Variants in VRK1 observed in about 807,000 individuals in gnomAD.
The protein encoded by VRK1 is VRK serine/threonine kinase 1, also known as serine/threonine-protein kinase VRK1.
A neutral mutation model predicts 57.1 loss-of-function variants in VRK1; 33 were observed. That is an observed-to-expected ratio of 0.58 (90% confidence interval 0.44 to 0.77). The LOEUF (loss-of-function observed/expected upper bound fraction) is 0.77, where lower values mean the gene tolerates loss of function less well. Among genes scored for constraint, VRK1 ranks in the 30% least tolerant of loss-of-function variants. The pLI is 0.00. For missense variants in VRK1, 413 were observed against 477.3 expected (o/e 0.87, Z 1.25); for synonymous variants, 137 against 147.8 (o/e 0.93, Z 0.53).
At chr14:96,876,171 A>G (rs768975412) in intron 12 of VRK1, 51 bp downstream of exon 12, 2 of 1,563,510 alleles carry the variant, frequency 1.3e-6, no homozygotes, top group Non-Finnish European at 8.8e-7. Flanking sequence ...CACAAATTTC[A>G]TTTCCTCCCA....
intron 11 of VRK1, 86 bp downstream of exon 11, chr14:96,860,821 T>A: frequency 6.9e-7 from 1 of 1,448,878 alleles, no homozygotes; most frequent in Non-Finnish European, 9.5e-7. Flanking sequence ...AGTAGTTCAA[T>A]GAAGAACAAT....
chr14:96,838,506 A>C (rs1224663687), intron 3 of VRK1, among the ~76,000 whole-genome samples: 1 of 152,186 alleles, frequency 6.6e-6, no homozygotes, highest in African/African-American at 2.4e-5. Flanking sequence ...GTTTTGGTTA[A>C]ATAGAAGAAC....
At chr14:96,841,022 A>AT (rs2139767629) in intron 3 of VRK1, among the ~76,000 whole-genome samples, 2 of 151,778 alleles carry the variant, frequency 1.3e-5, no homozygotes, top group Non-Finnish European at 2.9e-5. Flanking sequence ...TGCCCGGCTA[A>AT]TTTTTTTGAT....
chr14:96,865,761 GTT>G (rs199593950), intron 11 of VRK1, among the ~76,000 whole-genome samples: 1 of 147,776 alleles, frequency 6.8e-6, no homozygotes, highest in South Asian at 2.1e-4. Flanking sequence ...TAATTCTTCT[GTT>G]TTTTTTTTTT....
At chr14:96,854,389 G>A (rs1398924085) in intron 7 of VRK1, among the ~76,000 whole-genome samples, 1 of 152,054 alleles carries the variant, frequency 6.6e-6, no homozygotes, top group African/African-American at 2.4e-5. Flanking sequence ...CTTTGGATGG[G>A]ATTATTTTTC....
intron 3 of VRK1, among the ~76,000 whole-genome samples, chr14:96,838,605 G>C (rs1162801919): frequency 6.6e-6 from 1 of 152,110 alleles, no homozygotes; most frequent in African/African-American, 2.4e-5. Context: ...TCTCTAGAGG[G>C]ACAGAACTAA....
intron 1 of VRK1, among the ~76,000 whole-genome samples, chr14:96,799,625 A>G (rs527753071): frequency 1.3e-5 from 2 of 152,382 alleles, no homozygotes; most frequent in East Asian, 1.9e-4. Flanking sequence ...GCAAATGCTT[A>G]TATCTCCGTA....
At chr14:96,839,213 A>G (rs939953844) in intron 3 of VRK1, among the ~76,000 whole-genome samples, 6 of 151,218 alleles carry the variant, frequency 4.0e-5, no homozygotes, top group African/African-American at 1.5e-4. Flanking sequence ...GTTCATCCAT[A>G]TTGTTGGTGT....
chr14:96,811,008 C>A (rs768559530), intron 1 of VRK1, among the ~76,000 whole-genome samples: 3 of 151,988 alleles, frequency 2.0e-5, no homozygotes, highest in Non-Finnish European at 4.4e-5. Flanking sequence ...CGGCTCACTG[C>A]AACCTCCGCC....
chr14:96,844,161 A>G (rs886229989), intron 3 of VRK1, among the ~76,000 whole-genome samples: 3 of 152,182 alleles, frequency 2.0e-5, no homozygotes, highest in African/African-American at 7.2e-5. Flanking sequence ...TGTGATTCCT[A>G]CCAAAGACCT....
chr14:96,811,672 C>G (rs2139696950), intron 1 of VRK1, among the ~76,000 whole-genome samples: 1 of 152,246 alleles, frequency 6.6e-6, no homozygotes, highest in Non-Finnish European at 1.5e-5. Flanking sequence ...TGCTTTTAAC[C>G]CTTCTTTGAA....
At chr14:96,807,939 C>G (rs1885947244) in intron 1 of VRK1, among the ~76,000 whole-genome samples, 3 of 151,998 alleles carry the variant, frequency 2.0e-5, no homozygotes, top group Non-Finnish European at 4.4e-5. Flanking sequence ...CTCTCTCTTT[C>G]TCTGTCTCTC....
intron 1 of VRK1, among the ~76,000 whole-genome samples, chr14:96,812,071 A>C (rs1886226907): frequency 1.3e-5 from 2 of 152,322 alleles, no homozygotes; most frequent in Middle Eastern, 3.4e-3. Context: ...CAGTTTCTTA[A>C]CGTGTGTTCA....
At chr14:96,805,526 C>T (rs1406326222) in intron 1 of VRK1, among the ~76,000 whole-genome samples, 2 of 152,124 alleles carry the variant, frequency 1.3e-5, no homozygotes, top group Non-Finnish European at 2.9e-5. Context: ...CCTCCCCTGC[C>T]GTTTATCTGT....
intron 5 of VRK1, among the ~76,000 whole-genome samples, chr14:96,851,598 T>G (rs1887952794): frequency 6.6e-6 from 1 of 152,242 alleles, no homozygotes; most frequent in Non-Finnish European, 1.5e-5. Flanking sequence ...ATCTTGTCTT[T>G]TAATGTTAGT....
chr14:96,854,835 A>G (rs1191600141), intron 7 of VRK1, among the ~76,000 whole-genome samples: 1 of 152,214 alleles, frequency 6.6e-6, no homozygotes, highest in African/African-American at 2.4e-5. Context: ...CTGTGTGGAA[A>G]GTAGCAGTTG....
At chr14:96,868,977 T>G (rs1888700577) in intron 11 of VRK1, among the ~76,000 whole-genome samples, 1 of 151,980 alleles carries the variant, frequency 6.6e-6, no homozygotes, top group Admixed American at 6.6e-5. Flanking sequence ...GCATTTTTAG[T>G]AGAGACGGGG....
chr14:96,841,245 A>C (rs1250007329), intron 3 of VRK1, among the ~76,000 whole-genome samples: 2 of 152,118 alleles, frequency 1.3e-5, no homozygotes, highest in African/African-American at 2.4e-5. Flanking sequence ...TATTGTGAGT[A>C]ATTAGAAGTA....
rs34415863 is a variant in VRK1 at position 96,867,456 on chromosome 14, A to AGTGTGTGTGT, written c.1068+6748_1068+6757dup. On this transcript the variant is annotated intron_variant, in intron 11 of 12. Coordinates refer to ENST00000216639, the MANE Select transcript of VRK1 (RefSeq NM_003384.3). ...GGCATTCTGCAGATATCTGTGCACA[A>AGTGTGTGTGT]GTGTGTGTGTGTGTGTGTGTGTGTG... Among the ~76,000 whole-genome samples, 212 of 148,488 alleles carry AGTGTGTGTGT rather than the reference A, an allele frequency of 1.4e-3. 1 individual carries two copies. Among genetic ancestry groups the AGTGTGTGTGT allele is most frequent in the African/African-American group, 5.0e-3 (202 of 40,736 alleles).
Sources: gnomAD v4.1 joint callset for allele counts (sites outside exome capture counted in the v4.1 genomes callset) on GRCh38, gnomAD v4.1.1 for gene constraint, MANE v1.5 for transcripts, NCBI Gene and HGNC (gene_info 2026-07-23, HGNC 2026-07-21) for gene names.